Variants in ME3 observed in about 807,000 individuals in gnomAD.
ME3 encodes malic enzyme 3.
A neutral mutation model predicts 68.9 loss-of-function variants in ME3; 48 were observed. The observed-to-expected ratio is 0.70, with a 90% CI of 0.55 to 0.89. The LOEUF is 0.89. Ranked by LOEUF, ME3 falls within the 40% of genes least tolerant of loss-of-function variation. The pLI is 0.00. For missense variants in ME3, 675 were observed against 797.4 expected (o/e 0.85, Z 1.85); for synonymous variants, 320 against 318.8 (o/e 1.00, Z -0.04).
At chr11:86,613,328 T>A (rs9634021) in intron 2 of ME3, among the ~76,000 whole-genome samples, 19,988 of 152,106 alleles carry the variant, frequency 0.13, 1,786 homozygotes, top group East Asian at 0.4. Context: ...CTCAAAATAA[T>A]AAGAGCTATT....
chr11:86,661,968 T>C (rs1032641920), intron 2 of ME3, among the ~76,000 whole-genome samples: 1 of 152,106 alleles, frequency 6.6e-6, no homozygotes, highest in Non-Finnish European at 1.5e-5. Flanking sequence ...AAATGAGTCT[T>C]GGGAGAATTA....
intron 4 of ME3, among the ~76,000 whole-genome samples, chr11:86,517,855 G>GGTAA (rs1472382668): frequency 6.6e-6 from 1 of 152,190 alleles, no homozygotes; most frequent in Non-Finnish European, 1.5e-5. Context: ...TGTTAGGTAT[G>GGTAA]GTAAGTTGTT....
At chr11:86,446,280 C>G (rs1318991131) in intron 13 of ME3, 34 bp downstream of exon 13, 2 of 1,610,454 alleles carry the variant, frequency 1.2e-6, no homozygotes, top group Non-Finnish European at 1.7e-6. Flanking sequence ...ACAGACCCTA[C>G]TGCAAGCATT....
chr11:86,650,373 A>T (rs1427889919), intron 2 of ME3, among the ~76,000 whole-genome samples: 1 of 152,230 alleles, frequency 6.6e-6, no homozygotes, highest in Non-Finnish European at 1.5e-5. Context: ...AAACCTAGGC[A>T]ATACCATTCA....
At chr11:86,509,945 T>A (rs1364495049) in intron 4 of ME3, among the ~76,000 whole-genome samples, 1 of 152,050 alleles carries the variant, frequency 6.6e-6, no homozygotes, top group African/African-American at 2.4e-5. Context: ...TACATTGAAG[T>A]CCATTGTAAT....
intron 2 of ME3, among the ~76,000 whole-genome samples, chr11:86,601,612 C>T (rs1258935398): frequency 1.3e-5 from 2 of 151,994 alleles, no homozygotes; most frequent in African/African-American, 4.8e-5. Context: ...ATGAGGCCAG[C>T]ATCATCCTGA....
At chr11:86,476,082 T>C (rs1158759881) in intron 7 of ME3, among the ~76,000 whole-genome samples, 1 of 152,084 alleles carries the variant, frequency 6.6e-6, no homozygotes. Flanking sequence ...CCTAGGGATT[T>C]TTCTTTGCAT....
intron 8 of ME3, among the ~76,000 whole-genome samples, chr11:86,460,484 TTCTA>T (rs1950176383): frequency 6.6e-6 from 1 of 152,196 alleles, no homozygotes; most frequent in South Asian, 2.1e-4. Flanking sequence ...GAGGATTGAA[TTCTA>T]TCTATCCACT....
intron 4 of ME3, among the ~76,000 whole-genome samples, chr11:86,544,944 A>G (rs1956275925): frequency 6.6e-6 from 1 of 152,140 alleles, no homozygotes; most frequent in Non-Finnish European, 1.5e-5. Context: ...GGCAAACCAA[A>G]TCCAGCAGCA....
chr11:86,650,698 C>G (rs2135429011), intron 2 of ME3, among the ~76,000 whole-genome samples: 1 of 152,316 alleles, frequency 6.6e-6, no homozygotes, highest in Non-Finnish European at 1.5e-5. Context: ...TTATGCATTT[C>G]CAACTGAGGT....
At chr11:86,499,591 G>A (rs1371838456) in intron 5 of ME3, among the ~76,000 whole-genome samples, 1 of 152,134 alleles carries the variant, frequency 6.6e-6, no homozygotes, top group East Asian at 1.9e-4. Flanking sequence ...AAAGGGCTAC[G>A]GGATCTTCTC....
chr11:86,523,065 G>A (rs947479426), intron 4 of ME3, among the ~76,000 whole-genome samples: 3 of 152,090 alleles, frequency 2.0e-5, no homozygotes, highest in African/African-American at 7.2e-5. Flanking sequence ...TCTATGGAGG[G>A]AGACTTAAAG....
chr11:86,587,942 G>C (rs1408560876), intron 2 of ME3, among the ~76,000 whole-genome samples: 1 of 152,168 alleles, frequency 6.6e-6, no homozygotes, highest in Non-Finnish European at 1.5e-5. Flanking sequence ...TTAATGTCTG[G>C]ATGTATGGCC....
intron 4 of ME3, among the ~76,000 whole-genome samples, chr11:86,510,380 T>C (rs1246903921): frequency 6.6e-6 from 1 of 152,208 alleles, no homozygotes; most frequent in African/African-American, 2.4e-5. Context: ...CCTACTTCTC[T>C]GTGGCTCCTT....
At chr11:86,550,273 G>T (rs1956599484) in intron 4 of ME3, among the ~76,000 whole-genome samples, 1 of 152,134 alleles carries the variant, frequency 6.6e-6, no homozygotes, top group Non-Finnish European at 1.5e-5. Flanking sequence ...CTTGTTTATA[G>T]AATTTGGGTT....
At chr11:86,661,253 A>G (rs1439117417) in intron 2 of ME3, among the ~76,000 whole-genome samples, 1 of 152,264 alleles carries the variant, frequency 6.6e-6, no homozygotes, top group Non-Finnish European at 1.5e-5. Flanking sequence ...TAGAGGATGA[A>G]TGAATTACTG....
At chr11:86,483,624 CTT>C (rs1951536074) in intron 7 of ME3, among the ~76,000 whole-genome samples, 1 of 152,178 alleles carries the variant, frequency 6.6e-6, no homozygotes, top group East Asian at 1.9e-4. Context: ...AAGTAGATGA[CTT>C]TTTAAAAAGG....
At chr11:86,552,852 G>T (rs1025259247) in intron 4 of ME3, among the ~76,000 whole-genome samples, 4 of 152,214 alleles carry the variant, frequency 2.6e-5, no homozygotes, top group Non-Finnish European at 5.9e-5. Context: ...CTAAAGGCGG[G>T]TGCAGCACAT....
chr11:86,436,408 G>C (rs12270761), downstream of ME3: 1 of 151,762 alleles, frequency 6.6e-6, no homozygotes. Context: ...TCCGGATCCA[G>C]TGTCTTCGTC....
Sources: allele counts gnomAD v4.1 joint callset (sites outside exome capture counted in the v4.1 genomes callset), GRCh38; gene constraint gnomAD v4.1.1; transcripts MANE v1.5; gene names NCBI Gene and HGNC (gene_info 2026-07-23, HGNC 2026-07-21).